The following WLS variants were observed in gnomAD, a reference collection of about 807,000 sequenced individuals.
WLS encodes the protein protein wntless homolog.
In WLS, 23 loss-of-function variants were observed where a neutral mutation model predicts 62.8. The ratio of observed to expected loss-of-function variants is 0.37; its 90% CI spans 0.26 to 0.52. WLS has a LOEUF of 0.52. WLS is among the 20% of genes least tolerant of loss of function. WLS has a pLI of 0.92. For missense variants in WLS, 615 were observed against 697.3 expected (o/e 0.88, Z 1.33); for synonymous variants, 246 against 244.1 (o/e 1.01, Z -0.07).
At chr1:68,191,053 A>C (rs546955963) in intron 2 of WLS, among the ~76,000 whole-genome samples, 1,010 of 44,160 alleles carry the variant, frequency 0.023, 10 homozygotes, top group South Asian at 0.036. Flanking sequence ...GGTGAAACTC[A>C]GACTCAAAAA....
chr1:68,200,499 G>C, intron 1 of WLS, among the ~76,000 whole-genome samples: 1 of 147,496 alleles, frequency 6.8e-6, no homozygotes, highest in East Asian at 2.1e-4. Context: ...GGTGGGCAGA[G>C]ACTACAAATT....
intron 2 of WLS, among the ~76,000 whole-genome samples, chr1:68,191,804 T>C (rs774946524): frequency 4.6e-5 from 7 of 152,192 alleles, no homozygotes; most frequent in Non-Finnish European, 1.0e-4. Flanking sequence ...TCCTTCTATA[T>C]AGAATGCTCT....
At chr1:68,173,297 A>C (rs1367444) in intron 2 of WLS, among the ~76,000 whole-genome samples, 136,386 of 152,268 alleles carry the variant, frequency 0.9, 61,395 homozygotes, top group Middle Eastern at 0.99. Context: ...ACAAACCTGA[A>C]AGCAAGTGAG....
At position 68,108,925 on chromosome 1, in the gene WLS, T is replaced by TC. The variant is rs1197737201; in HGVS notation, c.1511-10173dup. 9.2e-5 allele frequency among the ~76,000 whole-genome samples: 14 copies of TC among 152,304 alleles called. No homozygotes were observed. In the East Asian group the frequency reaches 2.7e-3, roughly 29 times the overall value. ...CTGGAGGGGCCCGTGTTAGTAGAAT[T>TC]CAATATGAAAGTATTAAAGAGCACT... On this transcript the variant is annotated intron_variant, in intron 11 of 11. Transcript: ENST00000354777.
chr1:68,121,206 T>C (rs761314876), downstream of WLS: 8 of 152,138 alleles, frequency 5.3e-5, no homozygotes, highest in Non-Finnish European at 7.3e-5. Context: ...GAACATCATA[T>C]TTTGGAACCC....
chr1:68,176,830 C>T (rs1169997949), intron 2 of WLS, among the ~76,000 whole-genome samples: 1 of 152,218 alleles, frequency 6.6e-6, no homozygotes, highest in South Asian at 2.1e-4. Context: ...TCTCCAGTAA[C>T]AGCCTCACAG....
At chr1:68,122,351 T>A (rs915632524), downstream of WLS, among the ~76,000 whole-genome samples, 2 of 152,186 alleles carry the variant, frequency 1.3e-5, no homozygotes, top group Non-Finnish European at 2.9e-5. Context: ...GGCATCAGAA[T>A]TGTTAGAGCT....
Position 68,133,043 on chromosome 1 carries a change from A to AGGCAGCGGCAGC in WLS, c.1516+4736_1516+4737insGCTGCCGCTGCC, listed in dbSNP as rs60606556. ...GGTAAAAAGAACAACTGTCATGAAAAGGCAGCAGCAGCAACAGCAACAGCA... is the reference window on the plus strand; with the variant it reads ...GGTAAAAAGAACAACTGTCATGAAAAGGCAGCGGCAGCGGCAGCAGCAGCAACAGCAACAGCA... On this transcript the variant is annotated intron_variant, in intron 11 of 11. Coordinates refer to ENST00000262348, the MANE Select transcript of WLS (RefSeq NM_024911.7). 7.6e-4 allele frequency among the ~76,000 whole-genome samples: 114 copies of AGGCAGCGGCAGC among 150,134 alleles called. 1 individual carries two copies. The highest frequency in any genetic ancestry group is 2.7e-3 in the African/African-American group (111 of 40,794).
At chr1:68,184,957 A>C (rs1339635585) in intron 2 of WLS, among the ~76,000 whole-genome samples, 1 of 152,190 alleles carries the variant, frequency 6.6e-6, no homozygotes, top group Non-Finnish European at 1.5e-5. Flanking sequence ...AAACAAAAAA[A>C]ACACTTTTTG....
intron 10 of WLS, among the ~76,000 whole-genome samples, chr1:68,139,036 T>C (rs1557469528): frequency 6.6e-6 from 1 of 152,230 alleles, no homozygotes; most frequent in Non-Finnish European, 1.5e-5. Flanking sequence ...CAAATTAAGG[T>C]CTAAGTATAG....
chr1:68,120,715 TGTGCGC>T (rs766121875), downstream of WLS, among the ~76,000 whole-genome samples: 2,505 of 131,026 alleles, frequency 0.019, 53 homozygotes, highest in African/African-American at 0.061. Context: ...TGTGTGTGTG[TGTGCGC>T]GCGCGCACAT....
intron 10 of WLS, chr1:68,138,449 C>T (rs1249743831): frequency 2.0e-5 from 3 of 152,336 alleles, no homozygotes; most frequent in Non-Finnish European, 4.4e-5. Context: ...ACTTCAGTGT[C>T]CGTAAGTGTA....
chr1:68,186,127 T>A (rs1647923564), intron 2 of WLS, among the ~76,000 whole-genome samples: 1 of 152,216 alleles, frequency 6.6e-6, no homozygotes, highest in African/African-American at 2.4e-5. Context: ...AAGTACCTTA[T>A]AATGCCATCA....
intron 1 of WLS, among the ~76,000 whole-genome samples, chr1:68,219,056 C>T (rs550489230): frequency 1.4e-4 from 22 of 152,300 alleles, no homozygotes; most frequent in African/African-American, 5.1e-4. Context: ...AGAAGAAACA[C>T]ATTTACTTCT....
In WLS at chr1:68,194,095, G is replaced by A. The variant is rs1452534553; in HGVS notation, c.239C>T (p.Ala80Val). 2 of 1,614,112 alleles carry A rather than the reference G, an allele frequency of 1.2e-6. No individual in the cohort carries two copies. Among genetic ancestry groups the A allele is most frequent in the Admixed American group, 1.7e-5 (1 of 60,014 alleles). ...HCDKIRDIEE[A>V]IPREIEANDI... ...ATTGGCTTCAATTTCCCTTGGAATT[G>A]CCTCTTCAATGTCTCGGATCTTGTC... is the stretch of plus-strand genomic sequence containing the variant. The change falls in exon 2 of 12, where the codon GCA (alanine) becomes GTA (valine). Residue 80 changes from alanine (A) to valine (V), a missense_variant. By Grantham distance (64) the Ala-to-Val change is moderately conservative. Transcript: ENST00000262348.
At chr1:68,199,533 T>A (rs1029838592) in intron 1 of WLS, among the ~76,000 whole-genome samples, 11 of 152,132 alleles carry the variant, frequency 7.2e-5, no homozygotes, top group Non-Finnish European at 1.6e-4. Flanking sequence ...ACAATCATAT[T>A]TTCTGCAGAT....
intron 2 of WLS, among the ~76,000 whole-genome samples, chr1:68,170,938 T>C (rs1464824906): frequency 6.6e-6 from 1 of 152,206 alleles, no homozygotes; most frequent in African/African-American, 2.4e-5. Context: ...TTAATGATTA[T>C]CATCCTTCTT....
At chr1:68,133,497 AC>A (rs1646561394) in intron 11 of WLS, among the ~76,000 whole-genome samples, 1 of 150,798 alleles carries the variant, frequency 6.6e-6, no homozygotes, top group African/African-American at 2.5e-5. Flanking sequence ...TTCGAGCTTC[AC>A]TTCACTCCAT....
chr1:68,228,842 C>CAAAAAAAAAAAAAAAAAAAAAAAA (rs66626696), intron 1 of WLS, among the ~76,000 whole-genome samples: 4 of 58,022 alleles, frequency 6.9e-5, no homozygotes, highest in Non-Finnish European at 8.5e-5. Context: ...ACACTGGTGC[C>CAAAAAAAAAAAAAAAAAAAAAAAA]AAAAAAAAAA....
Sources: gnomAD v4.1 joint callset for allele counts (sites outside exome capture counted in the v4.1 genomes callset) on GRCh38, gnomAD v4.1.1 for gene constraint, MANE v1.5 for transcripts, NCBI Gene and HGNC (gene_info 2026-07-23, HGNC 2026-07-21) for gene names.